Variants in TECRL observed in about 807,000 individuals in gnomAD.
TECRL encodes trans-2,3-enoyl-CoA reductase like, also known as trans-2,3-enoyl-CoA reductase-like.
TECRL carries 63 observed loss-of-function variants against 52.8 expected under a neutral mutation model. That is an observed-to-expected ratio of 1.19 (90% CI 0.97 to 1.47). TECRL has a LOEUF of 1.47. Ranked by LOEUF, TECRL falls within the 40% of genes most tolerant of loss-of-function variation. The probability of loss-of-function intolerance (pLI) is 0.00; values close to 1 mark genes in which losing one functional copy is unlikely to be tolerated. For synonymous variants in TECRL, 164 were observed against 141.9 expected (o/e 1.16, Z -1.10); for missense variants, 482 against 429.6 (o/e 1.12, Z -1.08).
intron 2 of TECRL, among the ~76,000 whole-genome samples, chr4:64,364,829 A>C (rs2109630116): frequency 6.6e-6 from 1 of 150,668 alleles, no homozygotes; most frequent in South Asian, 2.1e-4. Context: ...CCAGACTTTC[A>C]AAACGAACTG....
intron 8 of TECRL, among the ~76,000 whole-genome samples, chr4:64,297,472 C>A (rs1023940618): frequency 6.6e-6 from 1 of 151,020 alleles, no homozygotes; most frequent in Non-Finnish European, 1.5e-5. Flanking sequence ...TAAGATAAGT[C>A]TTTTCTGGTT....
chr4:64,392,207 A>G (rs982242821), intron 1 of TECRL, among the ~76,000 whole-genome samples: 1 of 151,918 alleles, frequency 6.6e-6, no homozygotes, highest in Non-Finnish European at 1.5e-5. Flanking sequence ...TCTGGTGATA[A>G]ATGTATGCAT....
chr4:64,357,113 TATA>T (rs1435535753), intron 2 of TECRL, among the ~76,000 whole-genome samples: 1 of 152,144 alleles, frequency 6.6e-6, no homozygotes, highest in East Asian at 1.9e-4. Flanking sequence ...TATAATGCCA[TATA>T]ATATCACCCT....
intron 1 of TECRL, among the ~76,000 whole-genome samples, chr4:64,385,205 G>C (rs1438966264): frequency 6.6e-6 from 1 of 151,920 alleles, no homozygotes; most frequent in Non-Finnish European, 1.5e-5. Context: ...ATTAGCTGTG[G>C]CAGGCCAGGT....
chr4:64,307,062 G>A (rs1406835959), intron 6 of TECRL, among the ~76,000 whole-genome samples: 1 of 152,126 alleles, frequency 6.6e-6, no homozygotes, highest in African/African-American at 2.4e-5. Flanking sequence ...TATTTTCAAA[G>A]ACACCTATTC....
At chr4:64,318,217 T>C (rs899558344) in intron 4 of TECRL, among the ~76,000 whole-genome samples, 3 of 151,672 alleles carry the variant, frequency 2.0e-5, no homozygotes, top group African/African-American at 7.3e-5. Flanking sequence ...CCAAGAGAAA[T>C]AGCAAAAATA....
At chr4:64,384,170 C>T (rs540904309) in intron 1 of TECRL, among the ~76,000 whole-genome samples, 1 of 151,978 alleles carries the variant, frequency 6.6e-6, no homozygotes, top group Non-Finnish European at 1.5e-5. Flanking sequence ...TATGCAGGCA[C>T]CCAGGTGGTA....
At chr4:64,347,460 A>C (rs1720069765) in intron 2 of TECRL, among the ~76,000 whole-genome samples, 1 of 152,136 alleles carries the variant, frequency 6.6e-6, no homozygotes, top group South Asian at 2.1e-4. Context: ...GTATTAGTTC[A>C]TTTTCACACA....
chr4:64,325,339 T>A (rs934444032), intron 3 of TECRL, among the ~76,000 whole-genome samples: 1 of 152,170 alleles, frequency 6.6e-6, no homozygotes, highest in African/African-American at 2.4e-5. Context: ...TATGTTTGAG[T>A]GCTATTTCTT....
rs6816298 is a variant in TECRL, at chr4:64,278,333, A to G, written c.*1739T>C. The G allele has an allele frequency of 0.21, 35,689 of 170,370 alleles. 3,930 individuals carry two copies. Among genetic ancestry groups the G allele is most frequent in the South Asian group, 0.28 (1,424 of 5,174 alleles). 10.6% of individuals were successfully genotyped at this position (170,370 alleles called of 1,614,324 possible). Reference sequence around the variant, plus strand: ...ATTTCCGCAAGAATTTGAACTAATGACATAATACCTATGACACATCTCACT... The same window carrying G: ...ATTTCCGCAAGAATTTGAACTAATGGCATAATACCTATGACACATCTCACT... On this transcript the variant is annotated 3_prime_UTR_variant, in exon 12 of 12. Coordinates refer to ENST00000381210, the MANE Select transcript of TECRL (RefSeq NM_001010874.5).
intron 2 of TECRL, among the ~76,000 whole-genome samples, chr4:64,343,979 T>A (rs1719767782): frequency 6.6e-6 from 1 of 151,958 alleles, no homozygotes; most frequent in African/African-American, 2.4e-5. Context: ...TAAATATTAA[T>A]AGATGAGAGG....
At chr4:64,340,637 A>T (rs945412616) in intron 2 of TECRL, among the ~76,000 whole-genome samples, 3 of 152,238 alleles carry the variant, frequency 2.0e-5, no homozygotes, top group Admixed American at 6.5e-5. Context: ...ACTGGCATGT[A>T]GATGCCCCTT....
chr4:64,306,124 G>T (rs1232528169), intron 6 of TECRL, among the ~76,000 whole-genome samples: 4 of 152,228 alleles, frequency 2.6e-5, no homozygotes, highest in African/African-American at 7.2e-5. Context: ...AAGAGCTCTT[G>T]CCTCTCTTTA....
intron 2 of TECRL, among the ~76,000 whole-genome samples, chr4:64,349,965 T>C (rs1482804581): frequency 2.0e-5 from 3 of 152,214 alleles, no homozygotes; most frequent in Admixed American, 6.5e-5. Flanking sequence ...AGATAATAAA[T>C]GCACTGCTTA....
intron 3 of TECRL, among the ~76,000 whole-genome samples, chr4:64,325,796 A>G (rs535539705): frequency 3.2e-4 from 48 of 152,268 alleles, no homozygotes; most frequent in African/African-American, 1.1e-3. Flanking sequence ...ATGCTTGCCA[A>G]CTTCAAAGAA....
intron 2 of TECRL, among the ~76,000 whole-genome samples, chr4:64,367,754 G>A (rs1055782532): frequency 6.6e-6 from 1 of 152,046 alleles, no homozygotes; most frequent in African/African-American, 2.4e-5. Flanking sequence ...AATGTATGTA[G>A]TATGCTAAAT....
Position 64,334,030 on chromosome 4 carries a change from C to CAAAAA in TECRL, c.287-5479_287-5475dup, listed in dbSNP as rs4034910. 1.0e-3 allele frequency among the ~76,000 whole-genome samples: 28 copies of CAAAAA among 28,028 alleles called. 3 individuals are homozygous for CAAAAA. In the South Asian group the frequency reaches 0.02, roughly 20 times the overall value. The allele number at this position is 28,028 out of a possible 152,430, so 18.4% of individuals were successfully genotyped here. ...TGGGCGACAGAGCGAGACTCCGTCT[C>CAAAAA]AAAAAAAAAAAAAAAAAAAGAAAAA... is the stretch of plus-strand genomic sequence containing the variant. On this transcript the variant is annotated intron_variant, in intron 2 of 11. Coordinates refer to ENST00000381210, the MANE Select transcript of TECRL (RefSeq NM_001010874.5).
At chr4:64,401,089 T>C (rs1577999201) in intron 1 of TECRL, among the ~76,000 whole-genome samples, 1 of 152,190 alleles carries the variant, frequency 6.6e-6, no homozygotes, top group Admixed American at 6.5e-5. Context: ...AGATTTCTTC[T>C]CCGTTTTATA....
At chr4:64,385,532 A>G (rs1723117676) in intron 1 of TECRL, among the ~76,000 whole-genome samples, 1 of 152,070 alleles carries the variant, frequency 6.6e-6, no homozygotes, top group South Asian at 2.1e-4. Context: ...TGGGTGCTGA[A>G]GAAACATCCG....
Sources: gnomAD v4.1 joint callset for allele counts (sites outside exome capture counted in the v4.1 genomes callset) on GRCh38, gnomAD v4.1.1 for gene constraint, MANE v1.5 for transcripts, NCBI Gene and HGNC (gene_info 2026-07-23, HGNC 2026-07-21) for gene names.